Variants in POLR3E observed in about 807,000 individuals in gnomAD.
POLR3E encodes the protein DNA-directed RNA polymerase III subunit RPC5.
In POLR3E, 41 loss-of-function variants were observed where a neutral mutation model predicts 96.6. That is an observed-to-expected ratio of 0.42 (90% CI 0.33 to 0.55). The LOEUF (loss-of-function observed/expected upper bound fraction) is 0.55. Ranked by LOEUF, POLR3E falls within the 20% of genes least tolerant of loss-of-function variation. POLR3E has a pLI of 0.06. For missense variants in POLR3E, 849 were observed against 952.1 expected (o/e 0.89, Z 1.43); for synonymous variants, 396 against 383.6 (o/e 1.03, Z -0.38).
In POLR3E at chr16:22,302,952, G is replaced by T. The variant is rs1465675754; in HGVS notation, c.-17G>T. The T allele has an allele frequency of 1.9e-6, 3 of 1,613,160 alleles. No individual in the cohort carries two copies. The highest frequency in any genetic ancestry group is 2.5e-6 in the Non-Finnish European group (3 of 1,179,222). The stretch of plus-strand genomic sequence containing the variant: ...GCAGATCGAGCTGAAGGACTGCGCG[G>T]CTGGCTCTCCTCTAGTATGGCCAAT... On this transcript the variant is annotated 5_prime_UTR_variant, in exon 2 of 21. Transcript: ENST00000299853.
intron 3 of POLR3E, chr16:22,305,623 C>G (rs1449080551): frequency 2.7e-6 from 1 of 373,406 alleles, no homozygotes; most frequent in African/African-American, 2.1e-5. Flanking sequence ...TGCCGCCTGG[C>G]AGAGAGTTGG....
chr16:22,303,807 ATTT>A (rs56737281), intron 2 of POLR3E, among the ~76,000 whole-genome samples: 1 of 110,784 alleles, frequency 9.0e-6, no homozygotes, highest in Non-Finnish European at 1.7e-5. Flanking sequence ...CGCCCGACTA[ATTT>A]TTTTTTTTTT....
chr16:22,331,954 CAG>C, intron 19 of POLR3E, 104 bp from the exon 20 acceptor site: 5 of 1,150,324 alleles, frequency 4.3e-6, no homozygotes, highest in South Asian at 1.4e-5. Context: ...GGGTTTTTAT[CAG>C]AGACTGCAAC....
Position 22,325,958 on chromosome 16 carries a change from G to A in POLR3E, c.1546G>A (p.Glu516Lys). The change falls in exon 18 of 21, where the codon GAG becomes AAG. Residue 516 changes from glutamate (E) to lysine (K), a missense_variant. Glu to Lys is a moderately conservative substitution (Grantham distance 56). Coordinates refer to ENST00000299853, the MANE Select transcript of POLR3E (RefSeq NM_018119.4). ...GGAGGACGAGGAGCAGGAGGCGGAG[G>A]AGGAGCCCATGGACACTTCCCCCAG... is the stretch of plus-strand genomic sequence containing the variant. ...GEEDEEQEAE[E>K]EPMDTSPSGL... 2 of 1,592,442 alleles carry A rather than the reference G, an allele frequency of 1.3e-6. No individual in the cohort carries two copies. The highest frequency in any genetic ancestry group is 1.7e-6 in the Non-Finnish European group (2 of 1,169,262).
intron 20 of POLR3E, 27 bp downstream of exon 20, chr16:22,332,212 A>G: frequency 1.9e-6 from 3 of 1,603,410 alleles, no homozygotes; most frequent in Non-Finnish European, 2.6e-6. Context: ...CATAACAAAC[A>G]ATATCAAAGG....
At chr16:22,320,545 G>C (rs1274188799) in intron 13 of POLR3E, among the ~76,000 whole-genome samples, 2 of 152,202 alleles carry the variant, frequency 1.3e-5, no homozygotes, top group African/African-American at 4.8e-5. Flanking sequence ...ACAGGCGTGA[G>C]CTACCGTGCC....
rs1428767078 is a variant in POLR3E, at chr16:22,313,690, T to C, written c.435T>C (p.Ala145=). The part of the protein sequence containing the change: ...LRPSFSYLDK[A]DAKHREREAA... ...CCAGCTTCTCCTACCTGGATAAGGCTGACGCCAAGCACCGGGAGAGGGAGG... is the reference window on the plus strand; with the variant it reads ...CCAGCTTCTCCTACCTGGATAAGGCCGACGCCAAGCACCGGGAGAGGGAGG... The change falls in exon 7 of 21, where the codon GCT becomes GCC. Residue 145 remains alanine, a synonymous_variant. Coordinates refer to ENST00000299853, the MANE Select transcript of POLR3E (RefSeq NM_018119.4). This position sits in a 1 kb window ranked among gnomAD's most constrained non-coding sequence, Gnocchi z 4.1. The C allele has an allele frequency of 2.5e-6, 4 of 1,613,756 alleles. No homozygotes were observed. In the East Asian group the frequency reaches 8.9e-5, roughly 36 times the overall value.
At chr16:22,312,977 A>T (rs1455095865) in intron 6 of POLR3E, among the ~76,000 whole-genome samples, 1 of 151,922 alleles carries the variant, frequency 6.6e-6, no homozygotes, top group Admixed American at 6.6e-5. Context: ...ATGGGATAGG[A>T]TCAAAAGTAG....
intron 1 of POLR3E, chr16:22,299,153 G>C (rs2047968630): frequency 4.8e-6 from 2 of 415,042 alleles, no homozygotes; most frequent in African/African-American, 4.2e-5. Context: ...ATCCTCTCCT[G>C]CAGGCGGTGA....
chr16:22,307,566 G>A (rs1392165464), intron 3 of POLR3E, among the ~76,000 whole-genome samples: 1 of 152,216 alleles, frequency 6.6e-6, no homozygotes, highest in Non-Finnish European at 1.5e-5. Flanking sequence ...GCATTGCTGT[G>A]TGAGCCATTC....
At chr16:22,309,387 A>C (rs1345506621) in intron 5 of POLR3E, 41 bp from the exon 6 acceptor site, 1 of 1,455,088 alleles carries the variant, frequency 6.9e-7, no homozygotes, top group African/African-American at 1.4e-5. Context: ...CCTGGCTCGG[A>C]GCTGCCTTCC....
In POLR3E at chr16:22,308,234, G is replaced by T. The variant is rs763448920; in HGVS notation, c.165+9G>T. The T allele has an allele frequency of 1.2e-6, 2 of 1,607,150 alleles. No homozygotes were observed. Among genetic ancestry groups the T allele is most frequent in the African/African-American group, 1.3e-5 (1 of 74,910 alleles). Reference sequence around the variant, plus strand: ...AGCCCAAGCAGCAGAAGGTGGGGCTGCCCCCTGAGGGCAGTTGGGGCCGAA... The same window carrying T: ...AGCCCAAGCAGCAGAAGGTGGGGCTTCCCCCTGAGGGCAGTTGGGGCCGAA... On this transcript the variant is annotated intron_variant, in intron 4 of 20. Transcript: ENST00000299853.
At position 22,332,191 on chromosome 16, in the gene POLR3E, TC is replaced by T. The variant is rs1452047507; in HGVS notation, c.2070+8del. On this transcript the variant is annotated splice_region_variant and intron_variant, in intron 20 of 20. Coordinates refer to ENST00000299853, the MANE Select transcript of POLR3E (RefSeq NM_018119.4). ...AGGTGGATAAAGTACTAAAGGTACA[TC>T]CATTTTGTGCATAACAAACAATATC... The T allele has an allele frequency of 6.2e-7, 1 of 1,611,632 alleles. No homozygotes were observed. The highest frequency in any genetic ancestry group is 8.5e-7 in the Non-Finnish European group (1 of 1,178,618).
chr16:22,329,576 CT>C (rs1445600710), intron 19 of POLR3E, among the ~76,000 whole-genome samples: 1 of 152,166 alleles, frequency 6.6e-6, no homozygotes, highest in Non-Finnish European at 1.5e-5. Context: ...GGGGAGCCAA[CT>C]GGCAGGCTGA....
intron 3 of POLR3E, 84 bp from the exon 4 acceptor site, chr16:22,308,064 G>C: frequency 3.0e-6 from 3 of 993,892 alleles, no homozygotes; most frequent in Admixed American, 3.5e-5. Flanking sequence ...GGTGGGCTTG[G>C]AGATAGCTGT....
chr16:22,308,162 A>G lies in POLR3E; in HGVS notation c.102A>G (p.Pro34=), dbSNP rs758820989. ...KLYLFQYPVR[P]ASMTYDDIPH... ...CCCCTCCCCAGTACCCTGTGCGTCC[A>G]GCCTCGATGACCTACGATGACATTC... The change falls in exon 4 of 21, where the codon CCA becomes CCG. Residue 34 remains proline, a synonymous_variant. Coordinates refer to ENST00000299853, the MANE Select transcript of POLR3E (RefSeq NM_018119.4). 12 of 1,613,350 alleles carry G rather than the reference A, an allele frequency of 7.4e-6. No homozygotes were observed. Among genetic ancestry groups the G allele is most frequent in the African/African-American group, 2.7e-5 (2 of 74,880 alleles).
intron 13 of POLR3E, among the ~76,000 whole-genome samples, chr16:22,321,603 A>G (rs987821265): frequency 6.6e-6 from 1 of 152,264 alleles, no homozygotes; most frequent in African/African-American, 2.4e-5. Context: ...ACCTGAGGAC[A>G]CTGGCCCAGA....
chr16:22,312,323 C>T (rs1463352307), intron 6 of POLR3E, among the ~76,000 whole-genome samples: 1 of 151,918 alleles, frequency 6.6e-6, no homozygotes, highest in Non-Finnish European at 1.5e-5. Context: ...GATAAAATCT[C>T]ATCTCTTCCA....
intron 20 of POLR3E, 116 bp downstream of exon 20, chr16:22,332,301 C>A (rs1265798512): frequency 3.4e-6 from 3 of 881,720 alleles, no homozygotes; most frequent in East Asian, 2.6e-5. Flanking sequence ...TGGGACCACT[C>A]CCCAGTCAGT....
Sources: gnomAD v4.1 joint callset for allele counts (sites outside exome capture counted in the v4.1 genomes callset) on GRCh38, gnomAD v4.1.1 for gene constraint, Gnocchi (gnomAD v3.1) non-coding constraint, MANE v1.5 for transcripts, NCBI Gene and HGNC (gene_info 2026-07-23, HGNC 2026-07-21) for gene names.